SERBP1: variants seen among roughly 807,000 people sequenced by gnomAD.
SERBP1 encodes SERPINE1 mRNA-binding protein 1.
Under a neutral mutation model 50.2 loss-of-function variants are expected in SERBP1, and 6 were observed. The observed-to-expected ratio is 0.12, with a 90% CI of 0.07 to 0.24. The LOEUF is 0.24. Among genes scored for constraint, SERBP1 ranks in the 10% least tolerant of loss-of-function variants. The pLI, the probability that SERBP1 is intolerant of heterozygous loss-of-function variation, is 1.00. For missense variants in SERBP1, 346 were observed against 524.9 expected, an observed-to-expected ratio of 0.66 and a Z score of 3.33; for synonymous variants, 168 against 182.8, an observed-to-expected ratio of 0.92 and a Z score of 0.65.
At chr1:67,427,019 GTA>G (rs1244619797) in intron 1 of SERBP1, among the ~76,000 whole-genome samples, 1 of 152,164 alleles carries the variant, frequency 6.6e-6, no homozygotes, top group Non-Finnish European at 1.5e-5. Context: ...GCATGTAAGT[GTA>G]TATATGTTTG....
rs747183479 is a variant in SERBP1, at chr1:67,424,224, T to C, written c.749A>G (p.His250Arg). 2.5e-6 allele frequency: 4 copies of C among 1,612,120 alleles called. No homozygotes were observed. The highest frequency in any genetic ancestry group is 3.4e-6 in the Non-Finnish European group (4 of 1,179,294). The change falls in exon 5 of 8, where the codon CAT (histidine) becomes CGT (arginine). Residue 250 changes from histidine to arginine, a missense_variant. His to Arg is a conservative substitution (Grantham distance 29). Around this residue, in one of 5 missense-constraint regions of SERBP1, gnomAD observed 257 missense variants for 331.2 expected, o/e 0.78. Transcript: ENST00000361219. ...CTTATTTTCAGTGTCTGCCACTGGATGATGTTCTTCACCTTCAGGTGTTTC... is the reference window on the plus strand; with the variant it reads ...CTTATTTTCAGTGTCTGCCACTGGACGATGTTCTTCACCTTCAGGTGTTTC... ...TEETPEGEEHHPVADTENKEN... is the reference protein window; with the variant it reads ...TEETPEGEEHRPVADTENKEN...
rs181196682 is a variant in SERBP1, at chr1:67,429,871, G to A, written c.313+117C>T. On this transcript the variant is annotated intron_variant, in intron 1 of 7. Transcript: ENST00000361219. ...CTTTTGTCGCGTGAAGAAACGTGAGGATATAGGCGGCAAAGTCTCCCGCGG... is the reference window on the plus strand; with the variant it reads ...CTTTTGTCGCGTGAAGAAACGTGAGAATATAGGCGGCAAAGTCTCCCGCGG... 2.7e-5 allele frequency: 30 copies of A among 1,127,958 alleles called. 1 individual carries two copies. Among genetic ancestry groups the A allele is most frequent in the Middle Eastern group, 2.1e-4 (1 of 4,676 alleles). 69.9% of individuals were successfully genotyped at this position (1,127,958 alleles called of 1,614,324 possible).
At chr1:67,424,486 T>C (rs2100437263) in intron 4 of SERBP1, 3 of 561,374 alleles carry the variant, frequency 5.3e-6, no homozygotes, top group African/African-American at 1.9e-5. Context: ...AGTTAGTTCA[T>C]ATACTTCATA....
chr1:67,424,587 A>G (rs1218517324), intron 4 of SERBP1, among the ~76,000 whole-genome samples: 1 of 152,244 alleles, frequency 6.6e-6, no homozygotes, highest in Non-Finnish European at 1.5e-5. Context: ...CAAAAGCTAG[A>G]ATAGGAACTA....
chr1:67,428,359 G>A (rs1174200688), intron 1 of SERBP1, among the ~76,000 whole-genome samples: 1 of 152,146 alleles, frequency 6.6e-6, no homozygotes, highest in African/African-American at 2.4e-5. Context: ...TCATAGATGG[G>A]CTTCATGATC....
chr1:67,421,288 T>C lies in SERBP1; in HGVS notation c.774-1102A>G, dbSNP rs191221350. On this transcript the variant is annotated intron_variant, in intron 5 of 7. Coordinates refer to ENST00000361219, the MANE Select transcript of SERBP1 (RefSeq NM_001018069.2). The stretch of plus-strand genomic sequence containing the variant: ...CCATATGTTATGACACAGCCAGGAA[T>C]AGAACTTAGCATACCTTTTATCATA... 3.3e-3 allele frequency among the ~76,000 whole-genome samples: 499 copies of C among 152,312 alleles called. 3 individuals are homozygous for C. Among genetic ancestry groups the C allele is most frequent in the Non-Finnish European group, 4.9e-3 (332 of 68,020 alleles).
chr1:67,418,843 A>AAAACTC (rs1232164208), intron 6 of SERBP1, among the ~76,000 whole-genome samples: 14 of 152,254 alleles, frequency 9.2e-5, no homozygotes, highest in Non-Finnish European at 2.1e-4. Context: ...TTAGGATGAT[A>AAAACTC]AAACTCAGTC....
At chr1:67,424,549 TTA>T in intron 4 of SERBP1, 4 of 497,100 alleles carry the variant, frequency 8.0e-6, no homozygotes, top group Non-Finnish European at 1.4e-5. Flanking sequence ...CTTTACTAGC[TTA>T]TCAAATTTTG....
chr1:67,422,084 CA>C (rs1667217192), intron 5 of SERBP1, among the ~76,000 whole-genome samples: 1 of 152,134 alleles, frequency 6.6e-6, no homozygotes, highest in Non-Finnish European at 1.5e-5. Flanking sequence ...TTACCAAGTT[CA>C]AAACATCACC....
At chr1:67,426,027 A>G in intron 2 of SERBP1, 108 bp downstream of exon 2, 1 of 898,594 alleles carries the variant, frequency 1.1e-6, no homozygotes, top group South Asian at 1.8e-5. Flanking sequence ...AGATGAGAGG[A>G]TCATTTGAGC....
rs1294753315 is a variant in SERBP1, at chr1:67,420,082, A to G, written c.878T>C (p.Ile293Thr). The change falls in exon 6 of 8, where the codon ATC becomes ACC. Residue 293 changes from isoleucine to threonine, a missense_variant. Physicochemically the swap from Ile to Thr is moderately conservative, Grantham distance 89. Around this residue, in one of 5 missense-constraint regions of SERBP1, gnomAD observed 6 missense variants for 39.2 expected, o/e 0.15. Coordinates refer to ENST00000361219, the MANE Select transcript of SERBP1 (RefSeq NM_001018069.2). ...ATCAGCACCTTCATTTGGTTTTCGG[A>G]TATTAAATTCTACTTTTGCCCGGTC... is the stretch of plus-strand genomic sequence containing the variant. ...NKDRAKVEFNIRKPNEGADGQ... is the reference protein window; with the variant it reads ...NKDRAKVEFNTRKPNEGADGQ... 2 of 1,613,696 alleles carry G rather than the reference A, an allele frequency of 1.2e-6. No individual in the cohort carries two copies. Among genetic ancestry groups the G allele is most frequent in the African/African-American group, 1.3e-5 (1 of 75,018 alleles).
intron 5 of SERBP1, among the ~76,000 whole-genome samples, chr1:67,421,809 C>T (rs1356177072): frequency 1.3e-5 from 2 of 152,102 alleles, no homozygotes; most frequent in African/African-American, 4.8e-5. Flanking sequence ...CAAAAATTAG[C>T]CAGGCATGGT....
rs1367596659 is a variant in SERBP1, at chr1:67,426,400, A to C, written c.314-115T>G. 2.8e-6 allele frequency: 3 copies of C among 1,058,608 alleles called. No individual in the cohort carries two copies. The African/African-American group carries it at 4.9e-5, about 17-fold the overall frequency. The allele number at this position is 1,058,608 out of a possible 1,614,324, so 65.6% of individuals were successfully genotyped here. On this transcript the variant is annotated intron_variant, in intron 1 of 7. Coordinates refer to ENST00000361219, the MANE Select transcript of SERBP1 (RefSeq NM_001018069.2). ...TCCACTACCATTTCCTGTTGGAAAA[A>C]AGCAAACACTGGGCAACTCTAATGT... is the stretch of plus-strand genomic sequence containing the variant.
rs752769656 is a variant in SERBP1 at position 67,413,260 on chromosome 1, T to C, written c.1129A>G (p.Ser377Gly). 1 of 1,584,572 alleles carries C rather than the reference T, an allele frequency of 6.3e-7. No individual in the cohort carries two copies. The highest frequency in any genetic ancestry group is 8.5e-7 in the Non-Finnish European group (1 of 1,170,278). The change falls in exon 8 of 8, where the codon AGT becomes GGT. Residue 377 changes from serine to glycine, a missense_variant. Ser to Gly is a moderately conservative substitution (Grantham distance 56). Transcript: ENST00000361219. ...PNRGSRTDKSSASAPDVDDPE... is the reference protein window; with the variant it reads ...PNRGSRTDKSGASAPDVDDPE... Reference sequence around the variant, plus strand: ...TCATCCACATCAGGAGCAGAAGCACTTGACTGAAAAAGAAAAACCAAAATT... The same window carrying C: ...TCATCCACATCAGGAGCAGAAGCACCTGACTGAAAAAGAAAAACCAAAATT...
intron 6 of SERBP1, 147 bp from the exon 7 acceptor site, chr1:67,415,486 G>T: frequency 1.4e-6 from 1 of 718,562 alleles, no homozygotes; most frequent in Non-Finnish European, 2.2e-6. Context: ...CAGGTAACAA[G>T]CTAGGGCTCA....
At chr1:67,425,352 GA>G in intron 2 of SERBP1, 129 bp from the exon 3 acceptor site, 1 of 844,022 alleles carries the variant, frequency 1.2e-6, no homozygotes, top group East Asian at 2.7e-5. Flanking sequence ...ATACACTTCA[GA>G]AAATTCAAAA....
Position 67,415,232 on chromosome 1 carries a change from G to A in SERBP1, c.1059C>T (p.Gly353=), listed in dbSNP as rs368295562. ...CACGTCCACCTCGTCCTCCCCTGCC[G>A]CCACGTCCTGGGCGGCCAAGGTCTC... is the stretch of plus-strand genomic sequence containing the variant. The part of the protein sequence containing the change: ...NFGDLGRPGR[G]GRGGRGGRGR... Residue 353 remains glycine, a synonymous_variant, in exon 7 of 8, where the codon GGC becomes GGT. Coordinates refer to ENST00000361219, the MANE Select transcript of SERBP1 (RefSeq NM_001018069.2). 51 of 1,612,784 alleles carry A rather than the reference G, an allele frequency of 3.2e-5. No homozygotes were observed. Among genetic ancestry groups the A allele is most frequent in the Middle Eastern group, 3.3e-4 (2 of 6,052 alleles).
At chr1:67,414,634 T>C (rs763366147) in intron 7 of SERBP1, among the ~76,000 whole-genome samples, 5 of 152,196 alleles carry the variant, frequency 3.3e-5, no homozygotes, top group Admixed American at 6.5e-5. Context: ...GGAGAGATTA[T>C]AGAAAGTAAG....
At chr1:67,429,474 C>T (rs1020160085) in intron 1 of SERBP1, 2 of 152,922 alleles carry the variant, frequency 1.3e-5, no homozygotes, top group Non-Finnish European at 2.9e-5. Context: ...CTGGAACGAC[C>T]CCCTGCTTTT....
Sources: gnomAD v4.1 joint callset for allele counts (sites outside exome capture counted in the v4.1 genomes callset) on GRCh38, gnomAD v4.1.1 for gene constraint, gnomAD v4.1.1 regional missense constraint, MANE v1.5 for transcripts, NCBI Gene and HGNC (gene_info 2026-07-23, HGNC 2026-07-21) for gene names.